Variants in AFF4 observed in about 807,000 individuals in gnomAD.
AFF4 encodes the protein AF4/FMR2 family member 4.
In AFF4, 13 loss-of-function variants were observed where a neutral mutation model predicts 124.8. The ratio of observed to expected loss-of-function variants is 0.10; its 90% CI spans 0.07 to 0.17. The LOEUF (loss-of-function observed/expected upper bound fraction) is 0.17, where lower values mean the gene tolerates loss of function less well. Among genes scored for constraint, AFF4 ranks in the 10% least tolerant of loss-of-function variants. The probability of loss-of-function intolerance (pLI) is 1.00; values close to 1 mark genes in which losing one functional copy is unlikely to be tolerated. For missense variants in AFF4, 1,092 were observed against 1,403.8 expected (o/e 0.78, Z 3.55); for synonymous variants, 477 against 496.1 (o/e 0.96, Z 0.51).
intron 7 of AFF4, among the ~76,000 whole-genome samples, chr5:132,900,719 C>T (rs1760530502): frequency 6.6e-6 from 1 of 152,082 alleles, no homozygotes; most frequent in African/African-American, 2.4e-5. Context: ...CTTTTAAGGC[C>T]ATAAAATCAA....
chr5:132,946,075 A>G (rs1013607482), intron 1 of AFF4, among the ~76,000 whole-genome samples: 3 of 149,416 alleles, frequency 2.0e-5, no homozygotes, highest in Non-Finnish European at 4.4e-5. Flanking sequence ...AAAATAAATT[A>G]ATAAACAAGT....
At chr5:132,955,793 AAAATAT>A (rs1488187435) in intron 1 of AFF4, among the ~76,000 whole-genome samples, 60 of 136,330 alleles carry the variant, frequency 4.4e-4, no homozygotes, top group South Asian at 1.5e-3. Context: ...AAAAAAAAAA[AAAATAT>A]ATATATATAT....
At chr5:132,893,738 A>G (rs1017036487) in intron 11 of AFF4, among the ~76,000 whole-genome samples, 58 of 152,284 alleles carry the variant, frequency 3.8e-4, no homozygotes, top group Non-Finnish European at 7.1e-4. Context: ...TTGGCCTCCC[A>G]AAGTGCTGGG....
chr5:132,949,760 G>C (rs1244620057), intron 1 of AFF4, among the ~76,000 whole-genome samples: 3 of 151,450 alleles, frequency 2.0e-5, no homozygotes, highest in African/African-American at 7.3e-5. Context: ...TACTCGGGAG[G>C]CTGAGGCGAG....
chr5:132,903,017 A>G (rs1181267527), intron 6 of AFF4, among the ~76,000 whole-genome samples: 1 of 152,238 alleles, frequency 6.6e-6, no homozygotes, highest in African/African-American at 2.4e-5. Context: ...AGTGAAAAAC[A>G]CAAATAATGA....
At chr5:132,942,407 G>T (rs1271501550) in intron 1 of AFF4, among the ~76,000 whole-genome samples, 3 of 151,402 alleles carry the variant, frequency 2.0e-5, no homozygotes, top group Non-Finnish European at 4.4e-5. Context: ...CTCACTACAT[G>T]AACATGTTCT....
chr5:132,879,570 G>A lies in AFF4; in HGVS notation c.*1489C>T, dbSNP rs1005887799. 2 of 205,792 alleles carry A rather than the reference G, an allele frequency of 9.7e-6. No individual in the cohort carries two copies. Among genetic ancestry groups the A allele is most frequent in the East Asian group, 7.5e-5 (1 of 13,422 alleles). The allele number at this position is 205,792 out of a possible 1,614,324, so 12.7% of individuals were successfully genotyped here. A position where few individuals can be genotyped will look rare whatever the true frequency, so the allele number is the denominator to read the frequency against. ...TGTAGAAGACCAATCATGTATGGAC[G>A]ATCTGGTCCTAGTGTAAAACTTCAT... On this transcript the variant is annotated 3_prime_UTR_variant, in exon 21 of 21. Transcript: ENST00000265343.
At chr5:132,925,407 A>C (rs1348406500) in intron 5 of AFF4, among the ~76,000 whole-genome samples, 1 of 152,006 alleles carries the variant, frequency 6.6e-6, no homozygotes, top group Non-Finnish European at 1.5e-5. Flanking sequence ...CTTTAACAAG[A>C]CATTAAAAGC....
At chr5:132,882,563 G>GTTAAGAA (rs1422688080) in intron 20 of AFF4, among the ~76,000 whole-genome samples, 2 of 151,982 alleles carry the variant, frequency 1.3e-5, no homozygotes, top group African/African-American at 2.4e-5. Context: ...TTTAAAGAAT[G>GTTAAGAA]TTAAGAATTC....
intron 5 of AFF4, among the ~76,000 whole-genome samples, chr5:132,908,778 T>TA (rs1561490392): frequency 5.0e-4 from 52 of 104,354 alleles, no homozygotes; most frequent in African/African-American, 1.2e-3. Flanking sequence ...ATATATATAT[T>TA]TTTTTTTTTT....
chr5:132,905,466 T>C (rs375945325), intron 5 of AFF4, among the ~76,000 whole-genome samples: 5 of 152,348 alleles, frequency 3.3e-5, no homozygotes, highest in African/African-American at 1.2e-4. Context: ...ATCCAAATAG[T>C]TAGAAAGCTA....
At chr5:132,899,678 C>T in intron 7 of AFF4, 37 bp from the exon 8 acceptor site, 2 of 1,560,474 alleles carry the variant, frequency 1.3e-6, no homozygotes, top group Non-Finnish European at 1.8e-6. Flanking sequence ...ATTTTTGGAA[C>T]AGTTTACATG....
At chr5:132,889,682 T>C (rs1388729273) in intron 13 of AFF4, among the ~76,000 whole-genome samples, 1 of 152,368 alleles carries the variant, frequency 6.6e-6, no homozygotes, top group Middle Eastern at 3.4e-3. Flanking sequence ...TTGAGTAACT[T>C]GCCTAAGTTC....
chr5:132,915,663 G>A (rs1760892848), intron 5 of AFF4, among the ~76,000 whole-genome samples: 2 of 149,560 alleles, frequency 1.3e-5, no homozygotes, highest in Admixed American at 1.3e-4. Context: ...CACCTCCCAG[G>A]TTCAAGCGAT....
intron 1 of AFF4, among the ~76,000 whole-genome samples, chr5:132,955,890 T>C (rs1192408881): frequency 6.8e-6 from 1 of 147,016 alleles, no homozygotes; most frequent in East Asian, 1.9e-4. Context: ...TCAGAGTATA[T>C]TATATATGCT....
chr5:132,898,144 C>CTT (rs1484411740), intron 10 of AFF4, 86 bp downstream of exon 10: 19 of 1,494,246 alleles, frequency 1.3e-5, no homozygotes, highest in Non-Finnish European at 2.7e-6. Flanking sequence ...TTTCCTTCTC[C>CTT]TTTTATATTT....
At chr5:132,954,839 G>A (rs934513560) in intron 1 of AFF4, among the ~76,000 whole-genome samples, 2 of 152,114 alleles carry the variant, frequency 1.3e-5, no homozygotes, top group African/African-American at 4.8e-5. Flanking sequence ...GAGCCACCGC[G>A]CCCGGCCTAG....
At chr5:132,942,305 G>T (rs1761589164) in intron 1 of AFF4, among the ~76,000 whole-genome samples, 2 of 152,150 alleles carry the variant, frequency 1.3e-5, no homozygotes, top group South Asian at 4.1e-4. Context: ...TATTTTAAAG[G>T]ATATAAATAA....
rs970882504 is a variant in AFF4, at chr5:132,912,629, A to G, written c.1051-8225T>C. On this transcript the variant is annotated intron_variant, in intron 5 of 20. Coordinates refer to ENST00000265343, the MANE Select transcript of AFF4 (RefSeq NM_014423.4). ...TCCTTCCTCGGACTCCCAAAGTGCT[A>G]GGATTATAGGTGTGAGCCATTGCGC... Among the ~76,000 whole-genome samples the G allele has an allele frequency of 5.9e-5, 9 of 152,244 alleles. No individual in the cohort carries two copies. The Middle Eastern group carries it at 0.017, about 288-fold the overall frequency.
Sources: gnomAD v4.1 joint callset for allele counts (sites outside exome capture counted in the v4.1 genomes callset) on GRCh38, gnomAD v4.1.1 for gene constraint, MANE v1.5 for transcripts, NCBI Gene and HGNC (gene_info 2026-07-23, HGNC 2026-07-21) for gene names.